KCNIP1: variants seen among roughly 807,000 people sequenced by gnomAD.
The protein encoded by KCNIP1 is A-type potassium channel modulatory protein KCNIP1.
A neutral mutation model predicts 33.0 loss-of-function variants in KCNIP1; 18 were observed. The ratio of observed to expected loss-of-function variants is 0.55; its 90% CI spans 0.38 to 0.81. The LOEUF (loss-of-function observed/expected upper bound fraction) is 0.81. Among genes scored for constraint, KCNIP1 ranks in the 30% least tolerant of loss-of-function variants. KCNIP1 has a pLI of 0.00. For synonymous variants in KCNIP1, 93 were observed against 98.3 expected (o/e 0.95, Z 0.32); for missense variants, 238 against 271.6 (o/e 0.88, Z 0.87).
At chr5:170,396,442 A>G (rs314118) in intron 1 of KCNIP1, among the ~76,000 whole-genome samples, 32,517 of 152,238 alleles carry the variant, frequency 0.21, 3,557 homozygotes, top group East Asian at 0.31. Context: ...GGCTTCAGAA[A>G]GTTCTGAGAA....
intron 1 of KCNIP1, chr5:170,383,779 T>C (rs1361499360): frequency 6.2e-7 from 1 of 1,613,964 alleles, no homozygotes; most frequent in East Asian, 2.2e-5. Flanking sequence ...GGGCACCTTC[T>C]TGCCCTTCAG....
chr5:170,429,319 G>A (rs907520598), intron 1 of KCNIP1, among the ~76,000 whole-genome samples: 10 of 151,974 alleles, frequency 6.6e-5, no homozygotes, highest in Non-Finnish European at 5.9e-5. Flanking sequence ...CAAGCTTCAC[G>A]GCATTGGAGG....
Position 170,467,737 on chromosome 5 carries a change from G to T in KCNIP1, c.88+113773G>T, listed in dbSNP as rs183190952. Reference sequence around the variant, plus strand: ...GTTAGAGACCAGCCTGATCAACATGGCAAAAACCCATCTCTACTAAAAATA... The same window carrying T: ...GTTAGAGACCAGCCTGATCAACATGTCAAAAACCCATCTCTACTAAAAATA... On this transcript the variant is annotated intron_variant, in intron 1 of 7. Coordinates refer to the KCNIP1 transcript ENST00000377360. Among the ~76,000 whole-genome samples the T allele has an allele frequency of 4.8e-3, 725 of 152,008 alleles. 7 individuals are homozygous for T. Among genetic ancestry groups the T allele is most frequent in the African/African-American group, 0.016 (669 of 41,466 alleles).
At chr5:170,731,693 CAAA>C (rs1162447420) in intron 5 of KCNIP1, among the ~76,000 whole-genome samples, 3 of 96,774 alleles carry the variant, frequency 3.1e-5, no homozygotes, top group Admixed American at 1.1e-4. Flanking sequence ...GAACCTGTCT[CAAA>C]AAAAAAAAAA....
At chr5:170,600,914 CAATG>C (rs938996449) in intron 1 of KCNIP1, among the ~76,000 whole-genome samples, 10 of 152,256 alleles carry the variant, frequency 6.6e-5, no homozygotes, top group African/African-American at 2.4e-4. Flanking sequence ...AGCAGATGGC[CAATG>C]AATGTTTGGC....
intron 1 of KCNIP1, among the ~76,000 whole-genome samples, chr5:170,691,435 T>C (rs1015670532): frequency 2.0e-5 from 3 of 152,236 alleles, no homozygotes; most frequent in African/African-American, 7.2e-5. Flanking sequence ...TAGACCCCAG[T>C]TCTGCCATTT....
intron 1 of KCNIP1, among the ~76,000 whole-genome samples, chr5:170,474,241 A>T (rs188087685): frequency 6.6e-6 from 1 of 152,068 alleles, no homozygotes; most frequent in African/African-American, 2.4e-5. Context: ...TTTACTTATC[A>T]TACATTTCCT....
chr5:170,379,087 T>A (rs769945332), intron 1 of KCNIP1: 57 of 1,295,524 alleles, frequency 4.4e-5, no homozygotes, highest in Non-Finnish European at 5.7e-5. Flanking sequence ...TGGATTGGAG[T>A]CGGGGCTTTG....
intron 1 of KCNIP1, among the ~76,000 whole-genome samples, chr5:170,426,690 G>A (rs1277611135): frequency 6.6e-6 from 1 of 152,264 alleles, no homozygotes; most frequent in Admixed American, 6.5e-5. Context: ...ATTGCTGTCA[G>A]CATTGTCTGA....
chr5:170,571,033 G>A (rs1273290924), intron 1 of KCNIP1, among the ~76,000 whole-genome samples: 2 of 152,182 alleles, frequency 1.3e-5, no homozygotes, highest in Non-Finnish European at 2.9e-5. Context: ...ATCCAGCTTG[G>A]AAGCCTGCAA....
At chr5:170,709,304 T>C (rs1319486684) in intron 1 of KCNIP1, among the ~76,000 whole-genome samples, 2 of 152,250 alleles carry the variant, frequency 1.3e-5, no homozygotes, top group Non-Finnish European at 2.9e-5. Flanking sequence ...TATCAGTCTT[T>C]GCTTTATTTG....
At chr5:170,533,908 G>A (rs1162861598) in intron 1 of KCNIP1, among the ~76,000 whole-genome samples, 1 of 152,228 alleles carries the variant, frequency 6.6e-6, no homozygotes, top group African/African-American at 2.4e-5. Flanking sequence ...GGCAGCGGGA[G>A]TGGGAGGGCG....
chr5:170,563,632 GTTTT>G (rs34263461), intron 1 of KCNIP1, among the ~76,000 whole-genome samples: 31 of 149,074 alleles, frequency 2.1e-4, no homozygotes, highest in African/African-American at 6.9e-4. Flanking sequence ...AAGGTGTTTT[GTTTT>G]TTTTTTTGTT....
chr5:170,526,804 C>A (rs1187638942), intron 1 of KCNIP1, among the ~76,000 whole-genome samples: 2 of 150,304 alleles, frequency 1.3e-5, no homozygotes, highest in Non-Finnish European at 2.9e-5. Flanking sequence ...CTCAGGGCAA[C>A]CTCCACCTAC....
At position 170,718,739 on chromosome 5, in the gene KCNIP1, C is replaced by G. The variant is rs1156749563; in HGVS notation, c.62-19C>G. 48 of 1,613,254 alleles carry G rather than the reference C, an allele frequency of 3.0e-5. No individual in the cohort carries two copies. Among genetic ancestry groups the G allele is most frequent in the Non-Finnish European group, 3.9e-5 (46 of 1,179,654 alleles). On this transcript the variant is annotated intron_variant, in intron 1 of 7. Transcript: ENST00000328939. ...ACTCCCAAGCTCAACCATTCCAATGCCATCTCCTCTGGTTCCAGATAAGAT... is the reference window on the plus strand; with the variant it reads ...ACTCCCAAGCTCAACCATTCCAATGGCATCTCCTCTGGTTCCAGATAAGAT...
In KCNIP1 at chr5:170,504,839, C is replaced by A. The variant is rs1266192603; in HGVS notation, c.61+206C>A. On this transcript the variant is annotated intron_variant, in intron 1 of 7. Transcript: ENST00000328939. This position sits in a 1 kb window ranked among gnomAD's most constrained non-coding sequence, Gnocchi z 6.0. ...GAGCCGGAGTGGACGTCTGCCCCAG[C>A]GGCAACTGGACCCCTCTGGGGCACC... 6.6e-6 allele frequency among the ~76,000 whole-genome samples: 1 copy of A among 152,178 alleles called. No homozygotes were observed. The highest frequency in any genetic ancestry group is 1.5e-5 in the Non-Finnish European group (1 of 68,038).
chr5:170,419,926 T>A (rs1755435567), intron 1 of KCNIP1, among the ~76,000 whole-genome samples: 1 of 152,206 alleles, frequency 6.6e-6, no homozygotes, highest in South Asian at 2.1e-4. Context: ...GGTGGTCATT[T>A]ACCAAAGGCC....
chr5:170,372,365 C>T (rs11737944), intron 1 of KCNIP1, among the ~76,000 whole-genome samples: 25,494 of 152,020 alleles, frequency 0.17, 2,391 homozygotes, highest in South Asian at 0.28. Flanking sequence ...CCCCCAAACC[C>T]TATTATTTAG....
intron 1 of KCNIP1, among the ~76,000 whole-genome samples, chr5:170,668,438 T>C (rs1416852441): frequency 2.0e-5 from 3 of 152,214 alleles, no homozygotes; most frequent in African/African-American, 7.2e-5. Context: ...GCTTGCCTGG[T>C]CTGGGCCACA....
Sources: gnomAD v4.1 joint callset for allele counts (sites outside exome capture counted in the v4.1 genomes callset) on GRCh38, gnomAD v4.1.1 for gene constraint, Gnocchi (gnomAD v3.1) non-coding constraint, MANE v1.5 for transcripts, NCBI Gene and HGNC (gene_info 2026-07-23, HGNC 2026-07-21) for gene names.